The following GMDS variants were observed in gnomAD, a reference collection of about 807,000 sequenced individuals.
GMDS encodes the protein GDP-mannose 4,6-dehydratase.
In GMDS, 20 loss-of-function variants were observed where a neutral mutation model predicts 49.9. The observed-to-expected ratio is 0.40, with a 90% CI of 0.28 to 0.58. The LOEUF (loss-of-function observed/expected upper bound fraction) is 0.58, where lower values mean the gene tolerates loss of function less well. GMDS is among the 20% of genes least tolerant of loss of function. The pLI is 0.42. For missense variants in GMDS, 362 were observed against 481.4 expected, an observed-to-expected ratio of 0.75 and a Z score of 2.32; for synonymous variants, 177 against 178.6, an observed-to-expected ratio of 0.99 and a Z score of 0.07.
At chr6:1,894,126 A>G (rs938557779) in intron 7 of GMDS, among the ~76,000 whole-genome samples, 1 of 152,230 alleles carries the variant, frequency 6.6e-6, no homozygotes, top group Non-Finnish European at 1.5e-5. Flanking sequence ...CATCTTAGCT[A>G]TCACATTTTT....
chr6:2,095,677 C>G (rs1217155606), intron 4 of GMDS, among the ~76,000 whole-genome samples: 3 of 152,074 alleles, frequency 2.0e-5, no homozygotes, highest in Non-Finnish European at 2.9e-5. Context: ...ATAGACAGAG[C>G]ACTTTATTTT....
chr6:1,774,109 ACT>A (rs535941262), intron 7 of GMDS, among the ~76,000 whole-genome samples: 14 of 152,362 alleles, frequency 9.2e-5, no homozygotes, highest in Admixed American at 9.1e-4. Flanking sequence ...AAGAGTGCTG[ACT>A]ATATCAGAGG....
chr6:2,053,644 T>C (rs1428025363), intron 4 of GMDS, among the ~76,000 whole-genome samples: 2 of 152,102 alleles, frequency 1.3e-5, no homozygotes, highest in Non-Finnish European at 2.9e-5. Flanking sequence ...GAGTGAGACA[T>C]ACATTATCTA....
At chr6:1,857,017 C>A (rs1757966954) in intron 7 of GMDS, among the ~76,000 whole-genome samples, 1 of 152,174 alleles carries the variant, frequency 6.6e-6, no homozygotes. Context: ...AGAGTTGTCC[C>A]ACATGCGAAT....
chr6:2,093,372 A>C (rs1478251009), intron 4 of GMDS, among the ~76,000 whole-genome samples: 9 of 152,204 alleles, frequency 5.9e-5, no homozygotes, highest in Non-Finnish European at 1.5e-5. Context: ...TAAAAGATGA[A>C]TGATGAGAAA....
At chr6:1,799,149 G>A (rs923923279) in intron 7 of GMDS, among the ~76,000 whole-genome samples, 10 of 152,174 alleles carry the variant, frequency 6.6e-5, no homozygotes, top group African/African-American at 2.4e-4. Flanking sequence ...TGGAGGTGGA[G>A]TAAGAGTGGA....
chr6:2,075,026 G>A (rs1581614731), intron 4 of GMDS, among the ~76,000 whole-genome samples: 1 of 152,168 alleles, frequency 6.6e-6, no homozygotes, highest in Non-Finnish European at 1.5e-5. Flanking sequence ...GCTATATGAT[G>A]ATATTTTGAT....
At chr6:2,080,675 A>C (rs1030008511) in intron 4 of GMDS, among the ~76,000 whole-genome samples, 2 of 152,126 alleles carry the variant, frequency 1.3e-5, no homozygotes, top group Non-Finnish European at 2.9e-5. Context: ...GGTGGCAGGT[A>C]AGTCAGTCTT....
chr6:2,185,807 T>C (rs1030269314), intron 1 of GMDS, among the ~76,000 whole-genome samples: 6 of 152,162 alleles, frequency 3.9e-5, no homozygotes, highest in Non-Finnish European at 7.3e-5. Flanking sequence ...TCAGAACACA[T>C]CAGCCTCGTC....
intron 4 of GMDS, among the ~76,000 whole-genome samples, chr6:2,101,832 A>G (rs1773944076): frequency 6.6e-6 from 1 of 152,102 alleles, no homozygotes; most frequent in African/African-American, 2.4e-5. Flanking sequence ...CAATTTAAAT[A>G]ATTTTCAAAG....
intron 4 of GMDS, among the ~76,000 whole-genome samples, chr6:2,093,756 T>G (rs1773446391): frequency 6.6e-6 from 1 of 151,296 alleles, no homozygotes; most frequent in Non-Finnish European, 1.5e-5. Flanking sequence ...AAATATCTGA[T>G]AACAGACTAG....
intron 1 of GMDS, among the ~76,000 whole-genome samples, chr6:2,186,904 G>A (rs1778803949): frequency 6.6e-6 from 1 of 152,054 alleles, no homozygotes; most frequent in Non-Finnish European, 1.5e-5. Context: ...TTATGCATGT[G>A]GATAAGCTTT....
chr6:1,830,278 C>T (rs1336039176), intron 7 of GMDS, among the ~76,000 whole-genome samples: 1 of 152,152 alleles, frequency 6.6e-6, no homozygotes, highest in Non-Finnish European at 1.5e-5. Context: ...GCACTACTGA[C>T]ATTTTGTGAC....
intron 7 of GMDS, among the ~76,000 whole-genome samples, chr6:1,758,292 G>GAT (rs776753751): frequency 1.3e-5 from 2 of 152,194 alleles, no homozygotes; most frequent in Non-Finnish European, 2.9e-5. Flanking sequence ...CTTCAGTAGT[G>GAT]ATTTCATCAG....
chr6:2,114,367 G>A lies in GMDS; in HGVS notation c.345+1404C>T, dbSNP rs184760635. On this transcript the variant is annotated intron_variant, in intron 4 of 10. Coordinates refer to ENST00000380815, the MANE Select transcript of GMDS (RefSeq NM_001500.4). ...CAGATGACTTATAATGTGGAAGATA[G>A]ACTGACTACCTCAATTAGGGAAAAA... is the stretch of plus-strand genomic sequence containing the variant. 1.8e-3 allele frequency among the ~76,000 whole-genome samples: 272 copies of A among 152,280 alleles called. 1 individual carries two copies. Among genetic ancestry groups the A allele is most frequent in the Admixed American group, 3.9e-3 (60 of 15,302 alleles).
At chr6:1,827,626 C>G (rs1771186774) in intron 7 of GMDS, among the ~76,000 whole-genome samples, 1 of 152,118 alleles carries the variant, frequency 6.6e-6, no homozygotes, top group African/African-American at 2.4e-5. Context: ...CCAAGGGATT[C>G]AAAAGAATTG....
chr6:1,971,738 C>T lies in GMDS; in HGVS notation c.346-10772G>A, dbSNP rs536305222. On this transcript the variant is annotated intron_variant, in intron 4 of 10. Transcript: ENST00000380815. ...CATGGCTTTCCATCTCTCACCCCTA[C>T]TGCTTAGCACACAGGAGGGCTGGAA... Among the ~76,000 whole-genome samples, 6 of 152,338 alleles carry T rather than the reference C, an allele frequency of 3.9e-5. No homozygotes were observed. In the South Asian group the frequency reaches 6.2e-4, roughly 16 times the overall value.
intron 1 of GMDS, among the ~76,000 whole-genome samples, chr6:2,154,351 C>A (rs1049052564): frequency 7.2e-5 from 11 of 152,076 alleles, no homozygotes; most frequent in African/African-American, 2.2e-4. Flanking sequence ...GAAATTCTAT[C>A]CAACAGCAAA....
intron 7 of GMDS, among the ~76,000 whole-genome samples, chr6:1,804,325 A>G (rs1485673410): frequency 2.0e-5 from 3 of 152,368 alleles, no homozygotes; most frequent in East Asian, 3.9e-4. Flanking sequence ...AGGCCGTGGA[A>G]GCCATGCATT....
Sources: allele counts gnomAD v4.1 joint callset (sites outside exome capture counted in the v4.1 genomes callset), GRCh38; gene constraint gnomAD v4.1.1; transcripts MANE v1.5; gene names NCBI Gene and HGNC (gene_info 2026-07-23, HGNC 2026-07-21).